The following RGL1 variants were observed in gnomAD, a reference collection of about 807,000 sequenced individuals.
RGL1 encodes the protein ral guanine nucleotide dissociation stimulator like 1, also known as ral guanine nucleotide dissociation stimulator-like 1.
In RGL1, 24 loss-of-function variants were observed where a neutral mutation model predicts 95.2. The observed-to-expected ratio is 0.25, with a 90% CI of 0.18 to 0.35. The LOEUF (loss-of-function observed/expected upper bound fraction) is 0.35. Among genes scored for constraint, RGL1 ranks in the 10% least tolerant of loss-of-function variants. RGL1 has a pLI of 1.00. For missense variants in RGL1, 715 were observed against 936.3 expected, an observed-to-expected ratio of 0.76 and a Z score of 3.08; for synonymous variants, 329 against 344.9, an observed-to-expected ratio of 0.95 and a Z score of 0.51.
chr1:183,798,324 T>C (rs1299877575), intron 2 of RGL1, among the ~76,000 whole-genome samples: 1 of 152,174 alleles, frequency 6.6e-6, no homozygotes, highest in Non-Finnish European at 1.5e-5. Context: ...GATATTGCCA[T>C]CTTCAAGGCA....
intron 1 of RGL1, among the ~76,000 whole-genome samples, chr1:183,661,729 T>C (rs12026080): frequency 0.044 from 6,232 of 141,806 alleles, 330 homozygotes; most frequent in African/African-American, 0.12. Context: ...CATCCTGATA[T>C]CAAAGCCGGG....
chr1:183,780,061 T>G (rs757097226), intron 2 of RGL1, among the ~76,000 whole-genome samples: 29 of 152,226 alleles, frequency 1.9e-4, no homozygotes, highest in Non-Finnish European at 3.2e-4. Flanking sequence ...TAGAATTTGA[T>G]AAAACTCACC....
At chr1:183,707,225 T>C (rs183325360) in intron 1 of RGL1, among the ~76,000 whole-genome samples, 29 of 152,232 alleles carry the variant, frequency 1.9e-4, no homozygotes, top group African/African-American at 7.0e-4. Context: ...GCGCCTGAGC[T>C]AGGGTCCAGA....
At chr1:183,877,977 T>G (rs2102629416) in intron 4 of RGL1, among the ~76,000 whole-genome samples, 1 of 152,320 alleles carries the variant, frequency 6.6e-6, no homozygotes, top group Non-Finnish European at 1.5e-5. Context: ...GAGGCAAGGA[T>G]GCACATATTT....
intron 2 of RGL1, among the ~76,000 whole-genome samples, chr1:183,791,892 AC>A (rs1431875232): frequency 6.6e-6 from 1 of 151,694 alleles, no homozygotes; most frequent in Non-Finnish European, 1.5e-5. Context: ...GCATCTTGAG[AC>A]TCTTTTTAGA....
At chr1:183,755,626 T>C (rs999643633) in intron 2 of RGL1, among the ~76,000 whole-genome samples, 1 of 152,172 alleles carries the variant, frequency 6.6e-6, no homozygotes, top group Admixed American at 6.6e-5. Context: ...TCAAAACTCA[T>C]TCAACTATAC....
At chr1:183,745,601 A>G (rs1334566150) in intron 2 of RGL1, among the ~76,000 whole-genome samples, 1 of 151,960 alleles carries the variant, frequency 6.6e-6, no homozygotes, top group Non-Finnish European at 1.5e-5. Context: ...TTTTTCATGT[A>G]TCATGTTTCT....
At chr1:183,649,850 T>G (rs569865335) in intron 1 of RGL1, among the ~76,000 whole-genome samples, 38 of 152,330 alleles carry the variant, frequency 2.5e-4, no homozygotes, top group African/African-American at 9.1e-4. Flanking sequence ...CTTGCTCTGT[T>G]GCTCAGATTG....
chr1:183,742,057 T>A, intron 1 of RGL1: 3 of 1,284,082 alleles, frequency 2.3e-6, no homozygotes, highest in Non-Finnish European at 3.3e-6. Context: ...AGCATGATAA[T>A]TTGCTTCGAT....
chr1:183,851,000 A>G (rs757004265), intron 3 of RGL1, among the ~76,000 whole-genome samples: 14 of 152,200 alleles, frequency 9.2e-5, no homozygotes, highest in Non-Finnish European at 1.8e-4. Flanking sequence ...TGGAGTGTTT[A>G]GTCTATGACT....
intron 2 of RGL1, among the ~76,000 whole-genome samples, chr1:183,756,626 C>T (rs1161954580): frequency 3.3e-5 from 5 of 152,170 alleles, no homozygotes; most frequent in Non-Finnish European, 7.3e-5. Flanking sequence ...ATTGCTGTCT[C>T]TCTTCTCTGT....
At chr1:183,639,595 T>C (rs1473566070) in intron 1 of RGL1, among the ~76,000 whole-genome samples, 1 of 151,362 alleles carries the variant, frequency 6.6e-6, no homozygotes, top group Non-Finnish European at 1.5e-5. Flanking sequence ...TTTCATTTTT[T>C]CTTTGTTTCA....
intron 1 of RGL1, among the ~76,000 whole-genome samples, chr1:183,688,404 TA>T (rs941111676): frequency 2.0e-5 from 3 of 152,180 alleles, no homozygotes; most frequent in Non-Finnish European, 4.4e-5. Context: ...GTCTTTATTA[TA>T]AATTTTGGAG....
At chr1:183,862,319 G>A (rs1572518117) in intron 3 of RGL1, among the ~76,000 whole-genome samples, 1 of 152,080 alleles carries the variant, frequency 6.6e-6, no homozygotes, top group South Asian at 2.1e-4. Context: ...CCATGACTGT[G>A]CCACTGCATT....
chr1:183,810,070 C>T (rs990487283), intron 2 of RGL1, among the ~76,000 whole-genome samples: 1 of 152,114 alleles, frequency 6.6e-6, no homozygotes, highest in African/African-American at 2.4e-5. Context: ...TGTATATGGA[C>T]AGTGAATAAT....
intron 2 of RGL1, among the ~76,000 whole-genome samples, chr1:183,748,017 T>C (rs1326982582): frequency 1.3e-5 from 2 of 152,314 alleles, no homozygotes; most frequent in African/African-American, 4.8e-5. Flanking sequence ...TCAGAACTTG[T>C]TATTGGTCTA....
At chr1:183,665,496 T>G (rs1318858845) in intron 1 of RGL1, among the ~76,000 whole-genome samples, 3 of 152,226 alleles carry the variant, frequency 2.0e-5, no homozygotes, top group African/African-American at 7.2e-5. Flanking sequence ...TAGAATTCAG[T>G]GAACCTATCT....
At chr1:183,790,466 CT>C (rs1251348152) in intron 2 of RGL1, among the ~76,000 whole-genome samples, 1 of 152,194 alleles carries the variant, frequency 6.6e-6, no homozygotes, top group Admixed American at 6.5e-5. Context: ...CAATTTCTCA[CT>C]GCTTGTCTAA....
chr1:183,792,705 A>C (rs1410005186), intron 2 of RGL1, among the ~76,000 whole-genome samples: 3 of 152,106 alleles, frequency 2.0e-5, no homozygotes, highest in Admixed American at 1.3e-4. Context: ...AACCCCATTT[A>C]TGATAGCTAC....
Sources: gnomAD v4.1 joint callset for allele counts (sites outside exome capture counted in the v4.1 genomes callset) on GRCh38, gnomAD v4.1.1 for gene constraint, MANE v1.5 for transcripts, NCBI Gene and HGNC (gene_info 2026-07-23, HGNC 2026-07-21) for gene names.